ARHGEF12: variants seen among roughly 807,000 people sequenced by gnomAD.
The protein encoded by ARHGEF12 is Rho guanine nucleotide exchange factor 12, also known as KMT2A/ARHGEF12 fusion protein.
Under a neutral mutation model 211.2 loss-of-function variants are expected in ARHGEF12, and 66 were observed. The observed-to-expected ratio is 0.31, with a 90% CI of 0.26 to 0.38. ARHGEF12 has a LOEUF of 0.38. ARHGEF12 is among the 10% of genes least tolerant of loss of function. The probability of loss-of-function intolerance (pLI) is 1.00; values close to 1 mark genes in which losing one functional copy is unlikely to be tolerated. For missense variants in ARHGEF12, 1,429 were observed against 1,869.5 expected (o/e 0.76, Z 4.34); for synonymous variants, 592 against 638.4 (o/e 0.93, Z 1.09).
chr11:120,424,791 T>C (rs950812394), intron 7 of ARHGEF12, among the ~76,000 whole-genome samples: 1 of 152,206 alleles, frequency 6.6e-6, no homozygotes. Context: ...TTGATACATA[T>C]ATTTGAAAGA....
In ARHGEF12 at chr11:120,488,751, T is replaced by C. The variant is rs921820638; in HGVS notation, c.*3674T>C. Reference sequence around the variant, plus strand: ...ATTTTCCTTGTTCACCATACAATCATGTACTCTTTAACAGAAATTGCTTTT... The same window carrying C: ...ATTTTCCTTGTTCACCATACAATCACGTACTCTTTAACAGAAATTGCTTTT... On this transcript the variant is annotated 3_prime_UTR_variant, in exon 41 of 41. Coordinates refer to ENST00000397843, the MANE Select transcript of ARHGEF12 (RefSeq NM_015313.3). 24 of 215,326 alleles carry C rather than the reference T, an allele frequency of 1.1e-4. No individual in the cohort carries two copies. In the East Asian group the frequency reaches 1.7e-3, roughly 15 times the overall value. 13.3% of individuals were successfully genotyped at this position (215,326 alleles called of 1,614,324 possible).
At chr11:120,397,164 C>A (rs1944416751) in intron 1 of ARHGEF12, among the ~76,000 whole-genome samples, 1 of 152,214 alleles carries the variant, frequency 6.6e-6, no homozygotes, top group African/African-American at 2.4e-5. Flanking sequence ...ACTTTCAACA[C>A]AAATAGGGAG....
chr11:120,411,709 AC>A (rs1944888316), intron 4 of ARHGEF12: 1 of 144,018 alleles, frequency 6.9e-6, no homozygotes, highest in African/African-American at 2.6e-5. Context: ...CCTACCTAAG[AC>A]TCCAAAGTAG....
In ARHGEF12 at chr11:120,336,977, C is replaced by T; in HGVS notation, c.-267C>T. On this transcript the variant is annotated 5_prime_UTR_variant, in exon 1 of 41. Transcript: ENST00000397843. ...CTGAGGAAGTTTATCCTTGTGCCTT[C>T]TGGAGGATTTCTCTCTAGCTCGACT... is the stretch of plus-strand genomic sequence containing the variant. 2.0e-6 allele frequency: 1 copy of T among 495,876 alleles called. No homozygotes were observed. The highest frequency in any genetic ancestry group is 3.6e-6 in the Non-Finnish European group (1 of 280,722). 30.7% of individuals were successfully genotyped at this position (495,876 alleles called of 1,614,324 possible). A position where few individuals can be genotyped will look rare whatever the true frequency, so the allele number is the denominator to read the frequency against.
chr11:120,349,924 G>A lies in ARHGEF12; in HGVS notation c.32+12649G>A, dbSNP rs557077812. On this transcript the variant is annotated intron_variant, in intron 1 of 40. Transcript: ENST00000397843. ...TATTGTTAGAATTAAATGCGTTTGC[G>A]AGTGAGGAATAGATTTAAGAGTTAT... Among the ~76,000 whole-genome samples, 65 of 152,234 alleles carry A rather than the reference G, an allele frequency of 4.3e-4. No individual in the cohort carries two copies. In the South Asian group the frequency reaches 0.012, roughly 28 times the overall value.
At chr11:120,357,813 G>A (rs1342899795) in intron 1 of ARHGEF12, among the ~76,000 whole-genome samples, 1 of 152,064 alleles carries the variant, frequency 6.6e-6, no homozygotes, top group Non-Finnish European at 1.5e-5. Flanking sequence ...CAAGTGATCC[G>A]CCCACCTCAG....
chr11:120,395,211 G>A (rs1944346072), intron 1 of ARHGEF12, among the ~76,000 whole-genome samples: 2 of 151,510 alleles, frequency 1.3e-5, no homozygotes, highest in Admixed American at 6.6e-5. Flanking sequence ...CATAAAACAG[G>A]AAAATACATA....
At chr11:120,342,876 G>A (rs191220492) in intron 1 of ARHGEF12, among the ~76,000 whole-genome samples, 37 of 152,244 alleles carry the variant, frequency 2.4e-4, no homozygotes, top group Middle Eastern at 3.4e-3. Context: ...ACCTTTGATG[G>A]AAAATCATCT....
chr11:120,421,453 T>TTTTTTTTTTTTTTTTTC, intron 5 of ARHGEF12, among the ~76,000 whole-genome samples: 1 of 145,990 alleles, frequency 6.8e-6, no homozygotes. Flanking sequence ...TTTTTTTTTT[T>TTTTTTTTTTTTTTTTTC]TTGGAGATGG....
chr11:120,420,666 A>G, intron 4 of ARHGEF12, 87 bp from the exon 5 acceptor site: 1 of 1,124,604 alleles, frequency 8.9e-7, no homozygotes, highest in South Asian at 1.4e-5. Flanking sequence ...TCCAGATGGA[A>G]CACAGTTTAT....
chr11:120,479,573 T>A (rs1245310778), intron 37 of ARHGEF12, among the ~76,000 whole-genome samples: 1 of 152,218 alleles, frequency 6.6e-6, no homozygotes, highest in Non-Finnish European at 1.5e-5. Flanking sequence ...TTTTTCTGTC[T>A]AGCTTAACAC....
At position 120,350,069 on chromosome 11, in the gene ARHGEF12, T is replaced by C. The variant is rs115604681; in HGVS notation, c.32+12794T>C. Among the ~76,000 whole-genome samples the C allele has an allele frequency of 6.0e-3, 919 of 152,302 alleles. 9 individuals carry two copies. Among genetic ancestry groups the C allele is most frequent in the African/African-American group, 0.021 (889 of 41,564 alleles). ...CAGTTCTGTATTTATTAACATCAGT[T>C]TGTTTATTTATTCAGTAAATATTGA... On this transcript the variant is annotated intron_variant, in intron 1 of 40. Transcript: ENST00000397843.
chr11:120,441,831 CA>C lies in ARHGEF12; in HGVS notation c.1203+16del. The C allele has an allele frequency of 6.2e-7, 1 of 1,605,414 alleles. No homozygotes were observed. Among genetic ancestry groups the C allele is most frequent in the Non-Finnish European group, 8.5e-7 (1 of 1,172,550 alleles). ...CCTGCGACTTTGGTAATATATTTTACAATCTAGCAGATTCAGAGTTCTTCTG... is the reference window on the plus strand; with the variant it reads ...CCTGCGACTTTGGTAATATATTTTACATCTAGCAGATTCAGAGTTCTTCTG... On this transcript the variant is annotated intron_variant, in intron 14 of 40. Coordinates refer to ENST00000397843, the MANE Select transcript of ARHGEF12 (RefSeq NM_015313.3).
At chr11:120,482,905 T>G (rs540335918) in intron 39 of ARHGEF12, among the ~76,000 whole-genome samples, 2 of 152,300 alleles carry the variant, frequency 1.3e-5, no homozygotes, top group South Asian at 4.2e-4. Flanking sequence ...TACCTTCATA[T>G]AATTGATTTT....
chr11:120,339,538 G>C (rs1340625397), intron 1 of ARHGEF12, among the ~76,000 whole-genome samples: 1 of 152,220 alleles, frequency 6.6e-6, no homozygotes, highest in Non-Finnish European at 1.5e-5. Flanking sequence ...TTTTTAGATA[G>C]AGATCCTTTC....
At position 120,337,109 on chromosome 11, in the gene ARHGEF12, A is replaced by T; in HGVS notation, c.-135A>T. ...CCCTTACAGTCGGATGGTCTAGATGACTGAATGGAGTTTTGAGTTGGACTT... is the reference window on the plus strand; with the variant it reads ...CCCTTACAGTCGGATGGTCTAGATGTCTGAATGGAGTTTTGAGTTGGACTT... On this transcript the variant is annotated 5_prime_UTR_variant, in exon 1 of 41. Coordinates refer to ENST00000397843, the MANE Select transcript of ARHGEF12 (RefSeq NM_015313.3). The T allele has an allele frequency of 9.6e-7, 1 of 1,044,230 alleles. No individual in the cohort carries two copies. The highest frequency in any genetic ancestry group is 2.4e-5 in the East Asian group (1 of 41,948). The allele number at this position is 1,044,230 out of a possible 1,614,324, so 64.7% of individuals were successfully genotyped here.
At chr11:120,366,617 A>G (rs1479997282) in intron 1 of ARHGEF12, among the ~76,000 whole-genome samples, 2 of 152,222 alleles carry the variant, frequency 1.3e-5, no homozygotes, top group East Asian at 3.9e-4. Context: ...GTAAATTAAC[A>G]TGACCATGGT....
At chr11:120,454,825 C>A (rs993535287) in intron 22 of ARHGEF12, among the ~76,000 whole-genome samples, 4 of 151,944 alleles carry the variant, frequency 2.6e-5, no homozygotes, top group African/African-American at 9.7e-5. Context: ...CCCGAGTATC[C>A]CAAAAAAGAG....
intron 1 of ARHGEF12, among the ~76,000 whole-genome samples, chr11:120,347,272 G>C (rs12806552): frequency 6.5e-4 from 35 of 53,800 alleles, no homozygotes; most frequent in African/African-American, 2.6e-3. Context: ...CTCTCTGTCT[G>C]TGTGTGTGTG....
Sources: gnomAD v4.1 joint callset for allele counts (sites outside exome capture counted in the v4.1 genomes callset) on GRCh38, gnomAD v4.1.1 for gene constraint, MANE v1.5 for transcripts, NCBI Gene and HGNC (gene_info 2026-07-23, HGNC 2026-07-21) for gene names.